The following ITCH variants were observed in gnomAD, a reference collection of about 807,000 sequenced individuals.
The protein encoded by ITCH is E3 ubiquitin-protein ligase Itchy homolog.
ITCH carries 28 observed loss-of-function variants against 126.8 expected under a neutral mutation model. That is an observed-to-expected ratio of 0.22 (90% confidence interval 0.16 to 0.30). The LOEUF is 0.30. Among genes scored for constraint, ITCH ranks in the 10% least tolerant of loss-of-function variants. The pLI, the probability that ITCH is intolerant of heterozygous loss-of-function variation, is 1.00. For missense variants in ITCH, 631 were observed against 1,032.4 expected (o/e 0.61, Z 5.33); for synonymous variants, 342 against 340.0 (o/e 1.01, Z -0.06).
At chr20:34,452,728 C>T (rs190112332) in intron 12 of ITCH, among the ~76,000 whole-genome samples, 72 of 152,258 alleles carry the variant, frequency 4.7e-4, no homozygotes, top group African/African-American at 1.7e-3. Context: ...GGTGCAGTGG[C>T]TGTTCTCCAG....
chr20:34,450,447 G>A (rs551997697), intron 12 of ITCH, among the ~76,000 whole-genome samples: 1 of 152,294 alleles, frequency 6.6e-6, no homozygotes, highest in Non-Finnish European at 1.5e-5. Context: ...AGCATGTGCT[G>A]TTATTGAGTA....
intron 2 of ITCH, among the ~76,000 whole-genome samples, chr20:34,383,558 G>A (rs1281791700): frequency 1.3e-5 from 2 of 151,608 alleles, no homozygotes; most frequent in Admixed American, 6.6e-5. Flanking sequence ...TAGAGACAGG[G>A]TTTCTCCATG....
At chr20:34,395,590 C>T (rs928180575) in intron 3 of ITCH, among the ~76,000 whole-genome samples, 1 of 152,188 alleles carries the variant, frequency 6.6e-6, no homozygotes, top group African/African-American at 2.4e-5. Context: ...AAGCCCTGTA[C>T]TCATTAGCAG....
intron 10 of ITCH, among the ~76,000 whole-genome samples, chr20:34,443,239 C>T (rs1983994668): frequency 6.6e-6 from 1 of 151,830 alleles, no homozygotes; most frequent in Non-Finnish European, 1.5e-5. Flanking sequence ...AGTCCAGGCA[C>T]GGTGGCTCGC....
Position 34,495,221 on chromosome 20 carries a change from T to C in ITCH, c.2416+2624T>C, listed in dbSNP as rs936799700. Among the ~76,000 whole-genome samples, 4 of 149,978 alleles carry C rather than the reference T, an allele frequency of 2.7e-5. No homozygotes were observed. The East Asian group carries it at 7.7e-4, about 29-fold the overall frequency. ...CAGAGGTTGCAGTGAGTCGAGATTA[T>C]GCCACTACATTCCAGCCTGGGCGAC... On this transcript the variant is annotated intron_variant, in intron 23 of 24. Transcript: ENST00000374864.
chr20:34,501,514 G>A (rs1176533477), intron 23 of ITCH, among the ~76,000 whole-genome samples: 6 of 152,146 alleles, frequency 3.9e-5, no homozygotes, highest in Admixed American at 2.0e-4. Context: ...GGTGGCTCAC[G>A]CCTGTAATCC....
At position 34,477,792 on chromosome 20, in the gene ITCH, A is replaced by C; in HGVS notation, c.1590A>C (p.Gln530His). ...SFQQIMSFSPQDLRRRLWVIF... is the reference protein window; with the variant it reads ...SFQQIMSFSPHDLRRRLWVIF... ...TTTAGATAATGAGCTTCAGTCCCCA[A>C]GATCTGCGAAGACGTTTGTGGGTGA... Residue 530 changes from glutamine (Q) to histidine (H), a missense_variant, in exon 17 of 25, where the codon CAA becomes CAC. This residue lies in a region of ITCH where 390 missense variants were observed against 731.6 expected (regional missense o/e 0.53). Coordinates refer to ENST00000374864, the MANE Select transcript of ITCH (RefSeq NM_031483.7). 4 of 1,613,820 alleles carry C rather than the reference A, an allele frequency of 2.5e-6. No individual in the cohort carries two copies. Among genetic ancestry groups the C allele is most frequent in the Non-Finnish European group, 3.4e-6 (4 of 1,179,846 alleles).
chr20:34,481,248 C>T (rs1461622156), intron 20 of ITCH, 42 bp downstream of exon 20: 2 of 1,590,862 alleles, frequency 1.3e-6, no homozygotes, highest in Non-Finnish European at 1.7e-6. Flanking sequence ...TGTTTGACTA[C>T]AGCACATTGA....
intron 3 of ITCH, among the ~76,000 whole-genome samples, chr20:34,408,114 C>T (rs1787151325): frequency 6.6e-6 from 1 of 152,122 alleles, no homozygotes; most frequent in South Asian, 2.1e-4. Flanking sequence ...TTAAATTTTT[C>T]CTCCTGTTGC....
chr20:34,449,461 T>G lies in ITCH; in HGVS notation c.1191T>G (p.Gly397=). The G allele has an allele frequency of 1.2e-6, 2 of 1,610,586 alleles. No homozygotes were observed. ...TSQSKEFDPL[G]PLPPGWEKRT... ...AAAGTAAAGAATTTGATCCTCTTGG[T>G]CCATTGCCACCTGGATGGGGTAAGT... is the stretch of plus-strand genomic sequence containing the variant. The change falls in exon 12 of 25, where the codon GGT becomes GGG. Residue 397 remains glycine (G), a synonymous_variant. Transcript: ENST00000374864.
chr20:34,363,945 C>G (rs1024358487), intron 1 of ITCH, among the ~76,000 whole-genome samples: 2 of 152,184 alleles, frequency 1.3e-5, no homozygotes, highest in Non-Finnish European at 2.9e-5. Context: ...CCGCCACCGT[C>G]GTGGCGGCGC....
At chr20:34,466,550 T>C (rs1987086863) in intron 14 of ITCH, 2 of 439,708 alleles carry the variant, frequency 4.5e-6, no homozygotes, top group South Asian at 1.8e-5. Flanking sequence ...ACCGATAATA[T>C]TATTCTATCA....
chr20:34,490,459 A>G (rs1330359944), intron 22 of ITCH, among the ~76,000 whole-genome samples: 1 of 152,064 alleles, frequency 6.6e-6, no homozygotes, highest in Non-Finnish European at 1.5e-5. Context: ...TCACGACATC[A>G]GGAGATCAAG....
chr20:34,462,767 A>G (rs1178817054), intron 14 of ITCH, among the ~76,000 whole-genome samples: 2 of 152,208 alleles, frequency 1.3e-5, no homozygotes, highest in Non-Finnish European at 2.9e-5. Context: ...TTTAAACAAT[A>G]ACTTTAGCAG....
chr20:34,477,700 G>A (rs1180694229), intron 16 of ITCH, 72 bp from the exon 17 acceptor site: 3 of 1,417,006 alleles, frequency 2.1e-6, no homozygotes, highest in East Asian at 2.3e-5. Flanking sequence ...CGAAGGAGAT[G>A]TCAAACCTAG....
At chr20:34,365,561 C>T (rs576114510) in intron 1 of ITCH, among the ~76,000 whole-genome samples, 28 of 152,114 alleles carry the variant, frequency 1.8e-4, no homozygotes, top group African/African-American at 6.3e-4. Context: ...ACTACAGGCG[C>T]GTGCCACCAC....
intron 16 of ITCH, among the ~76,000 whole-genome samples, chr20:34,472,717 T>C (rs189338145): frequency 4.3e-4 from 65 of 152,330 alleles, no homozygotes; most frequent in African/African-American, 1.4e-3. Context: ...ACGTCAGTTA[T>C]TGACATTAAA....
chr20:34,430,924 G>A (rs1011103566), intron 7 of ITCH, among the ~76,000 whole-genome samples: 1 of 152,202 alleles, frequency 6.6e-6, no homozygotes, highest in Non-Finnish European at 1.5e-5. Context: ...GAGAGGTAAC[G>A]AAGGCTAGAA....
chr20:34,375,929 A>T (rs1424029022), intron 2 of ITCH, among the ~76,000 whole-genome samples: 2 of 152,042 alleles, frequency 1.3e-5, no homozygotes, highest in Admixed American at 6.6e-5. Context: ...AAAGTGTACA[A>T]TTCAGTGTTG....
Sources: gnomAD v4.1 joint callset for allele counts (sites outside exome capture counted in the v4.1 genomes callset) on GRCh38, gnomAD v4.1.1 for gene constraint, gnomAD v4.1.1 regional missense constraint, MANE v1.5 for transcripts, NCBI Gene and HGNC (gene_info 2026-07-23, HGNC 2026-07-21) for gene names.